Variants in ATP6V0E1 observed in about 807,000 individuals in gnomAD.
ATP6V0E1 encodes V-type proton ATPase subunit e 1.
ATP6V0E1 carries 4 observed loss-of-function variants against 11.6 expected under a neutral mutation model. The ratio of observed to expected loss-of-function variants is 0.35; its 90% CI spans 0.17 to 0.79. ATP6V0E1 has a LOEUF of 0.79. ATP6V0E1 is among the 30% of genes least tolerant of loss of function. The pLI, the probability that ATP6V0E1 is intolerant of heterozygous loss-of-function variation, is 0.54. For synonymous variants in ATP6V0E1, 36 were observed against 34.8 expected, an observed-to-expected ratio of 1.04 and a Z score of -0.13; for missense variants, 105 against 100.0, an observed-to-expected ratio of 1.05 and a Z score of -0.21.
At chr5:172,997,218 G>T (rs961581429) in intron 2 of ATP6V0E1, among the ~76,000 whole-genome samples, 15 of 152,062 alleles carry the variant, frequency 9.9e-5, no homozygotes, top group African/African-American at 3.4e-4. Flanking sequence ...ACACCAGAAG[G>T]TAGTCATGAC....
chr5:173,032,976 G>C (rs1021676070), intron 3 of ATP6V0E1, among the ~76,000 whole-genome samples: 1 of 152,184 alleles, frequency 6.6e-6, no homozygotes, highest in Non-Finnish European at 1.5e-5. Context: ...TGGGCCTATA[G>C]TCCCAGCTAC....
chr5:173,004,302 G>A (rs1331097353), intron 2 of ATP6V0E1, among the ~76,000 whole-genome samples: 3 of 152,152 alleles, frequency 2.0e-5, no homozygotes, highest in Non-Finnish European at 4.4e-5. Flanking sequence ...GGTGAAAATT[G>A]TTAGGAGGCA....
At chr5:173,010,630 G>T (rs1003307364) in intron 2 of ATP6V0E1, among the ~76,000 whole-genome samples, 1 of 152,202 alleles carries the variant, frequency 6.6e-6, no homozygotes, top group African/African-American at 2.4e-5. Flanking sequence ...CAGTTGAGAT[G>T]AGAGGTCGTT....
At chr5:173,020,207 C>T (rs780610131) in intron 2 of ATP6V0E1, 31 bp from the exon 3 acceptor site, 3 of 1,553,244 alleles carry the variant, frequency 1.9e-6, no homozygotes, top group Admixed American at 3.4e-5. Flanking sequence ...GATTTCACCG[C>T]TTCGTTGTTT....
intron 3 of ATP6V0E1, among the ~76,000 whole-genome samples, chr5:173,027,086 G>A (rs535069923): frequency 9.2e-4 from 138 of 150,506 alleles, no homozygotes; most frequent in Non-Finnish European, 1.7e-3. Context: ...GGCTGGGGCA[G>A]GATAATGGCA....
At chr5:172,985,345 T>G (rs983575303) in intron 1 of ATP6V0E1, among the ~76,000 whole-genome samples, 1 of 152,084 alleles carries the variant, frequency 6.6e-6, no homozygotes, top group African/African-American at 2.4e-5. Context: ...GCTTTATTAG[T>G]CTAAAATTAT....
chr5:172,993,547 A>T (rs1756015451), intron 1 of ATP6V0E1, among the ~76,000 whole-genome samples: 1 of 151,868 alleles, frequency 6.6e-6, no homozygotes, highest in South Asian at 2.1e-4. Flanking sequence ...AGGATGAGTT[A>T]AAAATAAAGA....
chr5:172,998,091 C>A (rs1347374302), intron 2 of ATP6V0E1, among the ~76,000 whole-genome samples: 2 of 150,974 alleles, frequency 1.3e-5, no homozygotes, highest in African/African-American at 4.9e-5. Context: ...GCCTGGGGGT[C>A]CAAGTGATAC....
chr5:172,984,083 CAG>C lies in ATP6V0E1; in HGVS notation c.104+122_104+123del, dbSNP rs113938778. Reference sequence around the variant, plus strand: ...CGTTGCATGGGCGCCCCCCGCGCTGCAGAGTCAGGCCCCCGACCCGGCGGAAC... The same window carrying C: ...CGTTGCATGGGCGCCCCCCGCGCTGCAGTCAGGCCCCCGACCCGGCGGAAC... On this transcript the variant is annotated intron_variant, in intron 1 of 3. Transcript: ENST00000519374. The C allele has an allele frequency of 9.5e-3, 8,982 of 949,982 alleles. 550 individuals are homozygous for C. The African/African-American group carries it at 0.13, about 14-fold the overall frequency. 58.8% of individuals were successfully genotyped at this position (949,982 alleles called of 1,614,324 possible).
chr5:173,015,755 C>A (rs773187731), intron 2 of ATP6V0E1, among the ~76,000 whole-genome samples: 7 of 152,166 alleles, frequency 4.6e-5, no homozygotes, highest in Non-Finnish European at 8.8e-5. Context: ...TTGAGACAGT[C>A]TCACTCTGTC....
chr5:173,030,687 C>CA, intron 3 of ATP6V0E1, among the ~76,000 whole-genome samples: 5 of 151,850 alleles, frequency 3.3e-5, no homozygotes, highest in African/African-American at 1.2e-4. Context: ...GTGATCCGCC[C>CA]CGCCTCCCAG....
chr5:173,020,670 T>C, intron 3 of ATP6V0E1: 2 of 526,368 alleles, frequency 3.8e-6, no homozygotes, highest in Non-Finnish European at 7.5e-6. Context: ...TACTTGGCAT[T>C]GTGAGATCCA....
At chr5:173,003,014 C>G (rs1297504209) in intron 2 of ATP6V0E1, among the ~76,000 whole-genome samples, 1 of 152,176 alleles carries the variant, frequency 6.6e-6, no homozygotes, top group Non-Finnish European at 1.5e-5. Flanking sequence ...CAGCAAGGCC[C>G]TGTCCCTTTT....
At chr5:173,031,601 G>A (rs1215361444) in intron 3 of ATP6V0E1, among the ~76,000 whole-genome samples, 2 of 150,404 alleles carry the variant, frequency 1.3e-5, no homozygotes, top group African/African-American at 2.4e-5. Context: ...CGCGGATCAC[G>A]AGGTCAGGAG....
Position 173,028,746 on chromosome 5 carries a change from C to G in ATP6V0E1, c.*37-5653C>G, listed in dbSNP as rs182005786. Among the ~76,000 whole-genome samples the G allele has an allele frequency of 7.9e-5, 12 of 152,322 alleles. No individual in the cohort carries two copies. In the East Asian group the frequency reaches 2.3e-3, roughly 29 times the overall value. ...CTGCAAATAAACGTGTCCAGTACTC[C>G]TAAGAGCAGTGCTCACTCCATCCTT... On this transcript the variant is annotated intron_variant, in intron 3 of 3. Coordinates refer to ENST00000519374, the MANE Select transcript of ATP6V0E1 (RefSeq NM_003945.4).
In ATP6V0E1 at chr5:173,020,226, T is replaced by A; in HGVS notation, c.153-12T>A. 1 of 1,605,232 alleles carries A rather than the reference T, an allele frequency of 6.2e-7. No individual in the cohort carries two copies. Among genetic ancestry groups the A allele is most frequent in the Non-Finnish European group, 8.5e-7 (1 of 1,172,050 alleles). On this transcript the variant is annotated splice_polypyrimidine_tract_variant and intron_variant, in intron 2 of 3. Coordinates refer to ENST00000519374, the MANE Select transcript of ATP6V0E1 (RefSeq NM_003945.4). ...TCACCGCTTCGTTGTTTCTCTCCCA[T>A]CCTTCTTTTAGTTGGCTGATTGCAA... is the stretch of plus-strand genomic sequence containing the variant.
At chr5:172,987,339 A>C (rs1333867332) in intron 1 of ATP6V0E1, 2 of 149,616 alleles carry the variant, frequency 1.3e-5, no homozygotes, top group African/African-American at 5.0e-5. Flanking sequence ...GCTGGAGTGC[A>C]GTGGTGCCAT....
chr5:172,983,942 A>G lies in ATP6V0E1; in HGVS notation c.82A>G (p.Ile28Val). 6.2e-7 allele frequency: 1 copy of G among 1,612,942 alleles called. No individual in the cohort carries two copies. Among genetic ancestry groups the G allele is most frequent in the Non-Finnish European group, 8.5e-7 (1 of 1,179,794 alleles). ...CGTCGGCTTCTTGGTGCCTTGGTTC[A>G]TCCCTAAGGGTCCTAACCGGGGGTA... is the stretch of plus-strand genomic sequence containing the variant. Reference protein sequence around the residue: ...GFVGFLVPWFIPKGPNRGVII... With the variant: ...GFVGFLVPWFVPKGPNRGVII... The change falls in exon 1 of 4, where the codon ATC (isoleucine) becomes GTC (valine). Residue 28 changes from isoleucine to valine, a missense_variant. Transcript: ENST00000519374.
intron 1 of ATP6V0E1, among the ~76,000 whole-genome samples, chr5:172,991,480 G>A (rs539179424): frequency 2.0e-5 from 3 of 152,104 alleles, no homozygotes; most frequent in Non-Finnish European, 4.4e-5. Flanking sequence ...AGTGGAGCAC[G>A]GACTGGGGGA....
Sources: gnomAD v4.1 joint callset for allele counts (sites outside exome capture counted in the v4.1 genomes callset) on GRCh38, gnomAD v4.1.1 for gene constraint, MANE v1.5 for transcripts, NCBI Gene and HGNC (gene_info 2026-07-23, HGNC 2026-07-21) for gene names.